The following MAPT variants were observed in gnomAD, a reference collection of about 807,000 sequenced individuals.
MAPT encodes the protein microtubule associated protein tau.
A neutral mutation model predicts 67.9 loss-of-function variants in MAPT; 34 were observed. That is an observed-to-expected ratio of 0.50 (90% CI 0.38 to 0.67). The LOEUF is 0.67. MAPT is among the 30% of genes least tolerant of loss of function. The pLI is 0.00. For missense variants in MAPT, 881 were observed against 1,115.2 expected (o/e 0.79, Z 2.99); for synonymous variants, 456 against 464.5 (o/e 0.98, Z 0.23).
rs2065169309 is a variant in MAPT at position 45,915,872 on chromosome 17, A to G, written c.-18+21186A>G. Among the ~76,000 whole-genome samples, 1 of 152,172 alleles carries G rather than the reference A, an allele frequency of 6.6e-6. No homozygotes were observed. Among genetic ancestry groups the G allele is most frequent in the Non-Finnish European group, 1.5e-5 (1 of 68,030 alleles). On this transcript the variant is annotated intron_variant, in intron 1 of 12. Coordinates refer to ENST00000262410, the MANE Select transcript of MAPT (RefSeq NM_001377265.1). The surrounding 1 kb of genome is among the most constrained non-coding windows in gnomAD (Gnocchi z 4.4). ...TGTCATTTGACGATCTTGATGCCAA[A>G]TCCTTTTATATCAAAAACAACCAGA...
intron 1 of MAPT, among the ~76,000 whole-genome samples, chr17:45,950,722 G>A (rs1598111283): frequency 6.6e-6 from 1 of 152,160 alleles, no homozygotes; most frequent in Middle Eastern, 3.4e-3. Flanking sequence ...GAGTTCAGTG[G>A]CATGATCTAG....
intron 2 of MAPT, among the ~76,000 whole-genome samples, chr17:45,965,192 G>T (rs368785465): frequency 6.6e-6 from 1 of 152,022 alleles, no homozygotes; most frequent in East Asian, 2.0e-4. Flanking sequence ...AGCACTTTGG[G>T]AGGCTAAGGT....
intron 1 of MAPT, among the ~76,000 whole-genome samples, chr17:45,919,315 G>A (rs888326703): frequency 2.0e-5 from 3 of 152,016 alleles, no homozygotes; most frequent in Admixed American, 2.0e-4. Flanking sequence ...ACTTACACGA[G>A]GCATCCAGGA....
chr17:45,922,261 CTT>C (rs2065811140), intron 1 of MAPT, among the ~76,000 whole-genome samples: 1 of 152,098 alleles, frequency 6.6e-6, no homozygotes, highest in Non-Finnish European at 1.5e-5. Flanking sequence ...CTCTGTGACT[CTT>C]GTTACAAAGG....
At chr17:45,982,785 T>C in intron 4 of MAPT, 81 bp from the exon 5 acceptor site, 7 of 708,994 alleles carry the variant, frequency 9.9e-6, no homozygotes, top group Non-Finnish European at 1.3e-5. Context: ...TCAGTGTCAT[T>C]TTGTCCAGGA....
At chr17:45,953,647 C>CCTT (rs766069530) in intron 1 of MAPT, among the ~76,000 whole-genome samples, 2 of 152,156 alleles carry the variant, frequency 1.3e-5, no homozygotes, top group Non-Finnish European at 2.9e-5. Context: ...AGGTCATCAG[C>CCTT]CTTCTATTGG....
chr17:45,916,565 G>A (rs879714040), intron 1 of MAPT, among the ~76,000 whole-genome samples: 6 of 152,118 alleles, frequency 3.9e-5, no homozygotes, highest in Admixed American at 1.3e-4. Flanking sequence ...AGAAAGGAGG[G>A]GCCCAAAGAG....
chr17:45,965,825 T>C (rs1483880058), intron 2 of MAPT, among the ~76,000 whole-genome samples: 1 of 152,222 alleles, frequency 6.6e-6, no homozygotes, highest in African/African-American at 2.4e-5. Context: ...AGAATGCTAA[T>C]TGGGACATTT....
intron 1 of MAPT, among the ~76,000 whole-genome samples, chr17:45,911,112 A>C (rs1368844896): frequency 6.6e-6 from 1 of 152,250 alleles, no homozygotes; most frequent in South Asian, 2.1e-4. Context: ...CTGCCTTCAC[A>C]TCACTAGTGC....
At position 45,971,477 on chromosome 17, in the gene MAPT, G is replaced by T. The variant is rs191635390; in HGVS notation, c.134-382G>T. Among the ~76,000 whole-genome samples the T allele has an allele frequency of 1.3e-5, 2 of 152,344 alleles. No homozygotes were observed. Among genetic ancestry groups the T allele is most frequent in the Admixed American group, 1.3e-4 (2 of 15,306 alleles). ...GTGTTTTTCCAGGTGTCTACTTGTTGTTAATTAATAGCAATGACAAAGCAG... is the reference window on the plus strand; with the variant it reads ...GTGTTTTTCCAGGTGTCTACTTGTTTTTAATTAATAGCAATGACAAAGCAG... On this transcript the variant is annotated intron_variant, in intron 2 of 12. Coordinates refer to ENST00000262410, the MANE Select transcript of MAPT (RefSeq NM_001377265.1). The surrounding 1 kb of genome is among the most constrained non-coding windows in gnomAD (Gnocchi z 4.3).
intron 9 of MAPT, among the ~76,000 whole-genome samples, chr17:46,000,154 A>T (rs1031461806): frequency 9.9e-5 from 15 of 152,226 alleles, no homozygotes; most frequent in African/African-American, 3.6e-4. Context: ...GCCGGAACAG[A>T]TGCTAACACC....
chr17:45,986,762 G>T (rs1439110723), intron 5 of MAPT, among the ~76,000 whole-genome samples: 1 of 152,220 alleles, frequency 6.6e-6, no homozygotes, highest in Non-Finnish European at 1.5e-5. Context: ...ATGTCCCCGT[G>T]ACAGTTTCTG....
chr17:46,001,653 A>G (rs1003746214), intron 9 of MAPT, among the ~76,000 whole-genome samples: 1 of 152,184 alleles, frequency 6.6e-6, no homozygotes, highest in African/African-American at 2.4e-5. Context: ...ACACAGTGAG[A>G]CTGAGACTCT....
chr17:45,962,272 C>G, intron 1 of MAPT, 49 bp from the exon 2 acceptor site: 1 of 1,505,142 alleles, frequency 6.6e-7, no homozygotes, highest in Non-Finnish European at 9.2e-7. Flanking sequence ...CACCCCCACT[C>G]TGCCCCCCAA....
intron 1 of MAPT, among the ~76,000 whole-genome samples, chr17:45,919,170 C>T (rs1423089249): frequency 6.6e-6 from 1 of 152,138 alleles, no homozygotes; most frequent in Non-Finnish European, 1.5e-5. Context: ...CTTGGCGTCT[C>T]CCTGACCCTG....
At chr17:45,966,593 A>T (rs2071105201) in intron 2 of MAPT, among the ~76,000 whole-genome samples, 1 of 152,168 alleles carries the variant, frequency 6.6e-6, no homozygotes, top group Non-Finnish European at 1.5e-5. Context: ...TGTCTCAAAA[A>T]ACAAAAATGA....
At chr17:45,954,170 T>G (rs796079836) in intron 1 of MAPT, among the ~76,000 whole-genome samples, 5 of 152,330 alleles carry the variant, frequency 3.3e-5, no homozygotes, top group African/African-American at 1.2e-4. Context: ...ACATGAAAGC[T>G]ATGGGAAATT....
Position 45,996,326 on chromosome 17 carries a change from A to T in MAPT, c.1733-73A>T. ...GTGAGCCTGGGAATGGACCCACGGG[A>T]CAGGCAGCCCCCAGGGCCTTTTCTG... is the stretch of plus-strand genomic sequence containing the variant. On this transcript the variant is annotated intron_variant, in intron 8 of 12. Transcript: ENST00000262410. The surrounding 1 kb of genome is among the most constrained non-coding windows in gnomAD (Gnocchi z 4.5). 1.3e-6 allele frequency: 2 copies of T among 1,543,924 alleles called. No individual in the cohort carries two copies. The highest frequency in any genetic ancestry group is 1.8e-6 in the Non-Finnish European group (2 of 1,128,332).
intron 1 of MAPT, among the ~76,000 whole-genome samples, chr17:45,951,536 T>C (rs1386092491): frequency 6.6e-6 from 1 of 152,082 alleles, no homozygotes; most frequent in Non-Finnish European, 1.5e-5. Context: ...TCTCTCTCTC[T>C]CTCTCAACCC....
Sources: gnomAD v4.1 joint callset for allele counts (sites outside exome capture counted in the v4.1 genomes callset) on GRCh38, gnomAD v4.1.1 for gene constraint, Gnocchi (gnomAD v3.1) non-coding constraint, MANE v1.5 for transcripts, NCBI Gene and HGNC (gene_info 2026-07-23, HGNC 2026-07-21) for gene names.